Variants in RABGAP1L observed in about 807,000 individuals in gnomAD.
RABGAP1L encodes rab GTPase-activating protein 1-like.
Under a neutral mutation model 137.7 loss-of-function variants are expected in RABGAP1L, and 63 were observed. The ratio of observed to expected loss-of-function variants is 0.46; its 90% CI spans 0.37 to 0.56. The LOEUF is 0.56. Among genes scored for constraint, RABGAP1L ranks in the 20% least tolerant of loss-of-function variants. The probability of loss-of-function intolerance (pLI) is 0.00; values close to 1 mark genes in which losing one functional copy is unlikely to be tolerated. For synonymous variants in RABGAP1L, 431 were observed against 433.7 expected (o/e 0.99, Z 0.08); for missense variants, 1,095 against 1,244.0 (o/e 0.88, Z 1.80).
chr1:174,436,755 TG>T (rs1653376814), intron 13 of RABGAP1L, among the ~76,000 whole-genome samples: 2 of 152,176 alleles, frequency 1.3e-5, no homozygotes, highest in African/African-American at 4.8e-5. Context: ...GATCTCAGAA[TG>T]GGCAGACTGC....
chr1:174,644,036 A>C (rs1479105335), intron 14 of RABGAP1L, among the ~76,000 whole-genome samples: 2 of 151,864 alleles, frequency 1.3e-5, no homozygotes, highest in African/African-American at 4.8e-5. Context: ...TGTTAGTATC[A>C]TTATAGTCAT....
At chr1:174,607,073 C>T (rs772805284) in intron 13 of RABGAP1L, among the ~76,000 whole-genome samples, 1 of 152,102 alleles carries the variant, frequency 6.6e-6, no homozygotes, top group Non-Finnish European at 1.5e-5. Flanking sequence ...CACCCACTTA[C>T]ATTTTTGTTT....
At chr1:174,836,700 C>T (rs1391335949) in intron 19 of RABGAP1L, among the ~76,000 whole-genome samples, 2 of 152,190 alleles carry the variant, frequency 1.3e-5, no homozygotes, top group Non-Finnish European at 2.9e-5. Flanking sequence ...TAGACATACT[C>T]TGACATTGTT....
chr1:174,824,275 G>A (rs1378244079), intron 19 of RABGAP1L, among the ~76,000 whole-genome samples: 1 of 151,810 alleles, frequency 6.6e-6, no homozygotes, highest in East Asian at 1.9e-4. Context: ...GGGCGAAAGA[G>A]TAAAACTCCA....
At chr1:174,515,938 G>T (rs1662791211) in intron 13 of RABGAP1L, among the ~76,000 whole-genome samples, 1 of 152,032 alleles carries the variant, frequency 6.6e-6, no homozygotes, top group African/African-American at 2.4e-5. Flanking sequence ...ACATTTCTTA[G>T]GTACCGGCTA....
intron 13 of RABGAP1L, among the ~76,000 whole-genome samples, chr1:174,630,162 G>C (rs1174897577): frequency 6.6e-6 from 1 of 151,424 alleles, no homozygotes; most frequent in South Asian, 2.1e-4. Context: ...CGTGGTTTTT[G>C]TCTTTGGCTC....
chr1:174,939,041 A>G (rs1665382601), intron 19 of RABGAP1L, among the ~76,000 whole-genome samples: 1 of 152,220 alleles, frequency 6.6e-6, no homozygotes, highest in African/African-American at 2.4e-5. Context: ...GGCCAAGCCT[A>G]ATTTCAGATA....
At chr1:174,497,784 A>G (rs546060721) in intron 13 of RABGAP1L, among the ~76,000 whole-genome samples, 10 of 152,372 alleles carry the variant, frequency 6.6e-5, no homozygotes, top group African/African-American at 2.2e-4. Context: ...AAAGATTCCA[A>G]GAACCCTGTG....
At chr1:174,220,910 C>G in intron 2 of RABGAP1L, 62 bp from the exon 3 acceptor site, 1 of 1,334,650 alleles carries the variant, frequency 7.5e-7, no homozygotes, top group Non-Finnish European at 1.0e-6. Context: ...GAAATACTTT[C>G]ATAAAATTTA....
At chr1:174,230,918 A>T (rs1341633341) in intron 3 of RABGAP1L, among the ~76,000 whole-genome samples, 2 of 152,152 alleles carry the variant, frequency 1.3e-5, no homozygotes, top group Non-Finnish European at 2.9e-5. Flanking sequence ...TGAGAGATTC[A>T]AAAGTATGAA....
intron 19 of RABGAP1L, among the ~76,000 whole-genome samples, chr1:174,884,329 C>G (rs563157277): frequency 6.6e-6 from 1 of 152,010 alleles, no homozygotes; most frequent in East Asian, 1.9e-4. Flanking sequence ...TCAAGCATGC[C>G]AAATTAAAAA....
intron 18 of RABGAP1L, among the ~76,000 whole-genome samples, chr1:174,773,746 T>C (rs1247244006): frequency 4.6e-5 from 7 of 152,228 alleles, no homozygotes; most frequent in Non-Finnish European, 1.0e-4. Flanking sequence ...GAATAATATT[T>C]GATTCCTGAG....
At chr1:174,777,932 T>C (rs1165422500) in intron 18 of RABGAP1L, among the ~76,000 whole-genome samples, 2 of 152,114 alleles carry the variant, frequency 1.3e-5, no homozygotes, top group Non-Finnish European at 2.9e-5. Flanking sequence ...GAATGTGTAA[T>C]TGGAGGACCT....
intron 19 of RABGAP1L, chr1:174,948,734 T>G (rs1351643458): frequency 6.6e-6 from 1 of 152,170 alleles, no homozygotes. Context: ...TCAGATCTTC[T>G]GAATCAGAAT....
At chr1:174,374,235 T>C (rs1368457608) in intron 12 of RABGAP1L, among the ~76,000 whole-genome samples, 3 of 152,186 alleles carry the variant, frequency 2.0e-5, no homozygotes, top group African/African-American at 7.2e-5. Context: ...GGAATTTACA[T>C]GGACCTCCAT....
Position 174,757,098 on chromosome 1 carries a change from G to A in RABGAP1L, c.2211+4744G>A, listed in dbSNP as rs563468287. 188 of 493,264 alleles carry A rather than the reference G, an allele frequency of 3.8e-4. 3 individuals carry two copies. Among genetic ancestry groups the A allele is most frequent in the South Asian group, 2.4e-3 (158 of 64,938 alleles). The allele number at this position is 493,264 out of a possible 1,614,324, so 30.6% of individuals were successfully genotyped here. On this transcript the variant is annotated intron_variant, in intron 18 of 25. Transcript: ENST00000681986. Reference sequence around the variant, plus strand: ...CCCACGGACTCTGCCACAAAGTCTCGGTGCTTTTGGGAGGTTGTAATCTTG... The same window carrying A: ...CCCACGGACTCTGCCACAAAGTCTCAGTGCTTTTGGGAGGTTGTAATCTTG...
At chr1:174,383,644 C>A (rs535428474) in intron 12 of RABGAP1L, among the ~76,000 whole-genome samples, 6 of 151,974 alleles carry the variant, frequency 3.9e-5, no homozygotes, top group Non-Finnish European at 7.4e-5. Context: ...CGCCCTGCTT[C>A]GGCTCGCGCA....
At chr1:174,542,195 A>G (rs529412417) in intron 13 of RABGAP1L, among the ~76,000 whole-genome samples, 1 of 152,322 alleles carries the variant, frequency 6.6e-6, no homozygotes, top group African/African-American at 2.4e-5. Context: ...TACCTCTGGT[A>G]GAATTCAGCT....
At chr1:174,810,909 C>G (rs988667911) in intron 18 of RABGAP1L, among the ~76,000 whole-genome samples, 3 of 151,394 alleles carry the variant, frequency 2.0e-5, no homozygotes, top group Admixed American at 2.0e-4. Flanking sequence ...GCTTGGGCAA[C>G]AGAGTGAGAC....
Sources: allele counts gnomAD v4.1 joint callset (sites outside exome capture counted in the v4.1 genomes callset), GRCh38; gene constraint gnomAD v4.1.1; transcripts MANE v1.5; gene names NCBI Gene and HGNC (gene_info 2026-07-23, HGNC 2026-07-21).